ITPR1: variants seen among roughly 807,000 people sequenced by gnomAD.
ITPR1 encodes inositol 1,4,5-trisphosphate receptor type 1.
ITPR1 carries 96 observed loss-of-function variants against 318.4 expected under a neutral mutation model. That is an observed-to-expected ratio of 0.30 (90% CI 0.26 to 0.36). ITPR1 has a LOEUF of 0.36. Among genes scored for constraint, ITPR1 ranks in the 10% least tolerant of loss-of-function variants. The pLI, the probability that ITPR1 is intolerant of heterozygous loss-of-function variation, is 1.00. For missense variants in ITPR1, 2,440 were observed against 3,460.2 expected (o/e 0.71, Z 7.40); for synonymous variants, 1,312 against 1,289.9 (o/e 1.02, Z -0.37).
chr3:4,574,910 A>G (rs1391885709), intron 4 of ITPR1, among the ~76,000 whole-genome samples: 1 of 152,226 alleles, frequency 6.6e-6, no homozygotes, highest in Non-Finnish European at 1.5e-5. Flanking sequence ...CCAGAGGTCT[A>G]TCAATTGCAA....
rs1368540012 is a variant in ITPR1, at chr3:4,735,197, G to C, written c.5387G>C (p.Gly1796Ala). 2.5e-6 allele frequency: 4 copies of C among 1,614,006 alleles called. No homozygotes were observed. In the South Asian group the frequency reaches 4.4e-5, roughly 18 times the overall value. Reference protein sequence around the residue: ...GGSGSSSMSRGEMSLAEVQCH... With the variant: ...GGSGSSSMSRAEMSLAEVQCH... ...TCCGGATCCAGCTCTATGAGCAGGG[G>C]TGAGATGAGTCTGGCCGAGGTTCAG... is the stretch of plus-strand genomic sequence containing the variant. The change falls in exon 44 of 62, where the codon GGT becomes GCT. Residue 1796 changes from glycine to alanine, a missense_variant. Coordinates refer to ENST00000649015, the MANE Select transcript of ITPR1 (RefSeq NM_001378452.1).
chr3:4,616,289 C>T (rs2092386455), intron 4 of ITPR1, among the ~76,000 whole-genome samples: 1 of 152,088 alleles, frequency 6.6e-6, no homozygotes, highest in Non-Finnish European at 1.5e-5. Flanking sequence ...GCAAATAAGC[C>T]CTGACCTCAT....
At chr3:4,681,607 G>C (rs1040843706) in intron 26 of ITPR1, among the ~76,000 whole-genome samples, 189 bp downstream of exon 26, 57 of 115,992 alleles carry the variant, frequency 4.9e-4, no homozygotes, top group Non-Finnish European at 8.2e-4. Context: ...GAGAGAGTGA[G>C]AGAGAGAGAG....
intron 4 of ITPR1, among the ~76,000 whole-genome samples, chr3:4,605,070 C>G (rs2091605506): frequency 2.0e-5 from 3 of 152,084 alleles, no homozygotes; most frequent in Admixed American, 1.3e-4. Flanking sequence ...CTCCCAGGCT[C>G]AAGCAATTCT....
chr3:4,784,181 A>G (rs1222421568), intron 51 of ITPR1, among the ~76,000 whole-genome samples: 1 of 152,180 alleles, frequency 6.6e-6, no homozygotes, highest in African/African-American at 2.4e-5. Context: ...CATCATAAGA[A>G]AGTCCAGCAG....
intron 4 of ITPR1, among the ~76,000 whole-genome samples, chr3:4,537,529 T>G (rs1275721320): frequency 6.6e-6 from 1 of 152,238 alleles, no homozygotes; most frequent in Non-Finnish European, 1.5e-5. Flanking sequence ...GGTATAGGGA[T>G]TTCACAGATG....
intron 4 of ITPR1, among the ~76,000 whole-genome samples, chr3:4,547,998 A>G (rs1413587349): frequency 2.0e-5 from 3 of 152,060 alleles, no homozygotes; most frequent in African/African-American, 7.2e-5. Context: ...AAGCCATTCT[A>G]CTTCTTATTT....
intron 61 of ITPR1, among the ~76,000 whole-genome samples, chr3:4,843,652 T>A (rs1346075423): frequency 2.0e-5 from 3 of 152,206 alleles, no homozygotes; most frequent in Non-Finnish European, 2.9e-5. Flanking sequence ...TAGTTGGTAC[T>A]TAAAATTATC....
At chr3:4,707,178 G>A (rs12330193) in intron 37 of ITPR1, among the ~76,000 whole-genome samples, 41,466 of 152,210 alleles carry the variant, frequency 0.27, 6,807 homozygotes, top group Non-Finnish European at 0.38. Context: ...TAAGAGAGTT[G>A]ATAATATGTC....
intron 60 of ITPR1, among the ~76,000 whole-genome samples, chr3:4,835,586 G>C (rs1323274715): frequency 6.6e-6 from 1 of 152,050 alleles, no homozygotes; most frequent in Non-Finnish European, 1.5e-5. Flanking sequence ...GTGTGGGAGG[G>C]GGCTTGATTT....
chr3:4,589,303 G>T (rs6442889), intron 4 of ITPR1, among the ~76,000 whole-genome samples: 28 of 151,942 alleles, frequency 1.8e-4, no homozygotes, highest in African/African-American at 6.0e-4. Context: ...CTCTTATTTC[G>T]TGAAAAAACA....
At chr3:4,746,681 T>TGAAAG (rs2044132348) in intron 44 of ITPR1, among the ~76,000 whole-genome samples, 1 of 152,214 alleles carries the variant, frequency 6.6e-6, no homozygotes, top group African/African-American at 2.4e-5. Context: ...ACGTGCTGGA[T>TGAAAG]GAAAGGTCCT....
chr3:4,665,357 T>G (rs931186866), intron 17 of ITPR1, 61 bp downstream of exon 17: 2 of 1,497,422 alleles, frequency 1.3e-6, no homozygotes, highest in African/African-American at 2.8e-5. Flanking sequence ...TTGTGAACTT[T>G]CCTCCTGAGT....
At chr3:4,596,545 G>A (rs572903746) in intron 4 of ITPR1, among the ~76,000 whole-genome samples, 1 of 152,182 alleles carries the variant, frequency 6.6e-6, no homozygotes, top group African/African-American at 2.4e-5. Flanking sequence ...TCACAGATGG[G>A]TTTTTAGTTA....
intron 60 of ITPR1, among the ~76,000 whole-genome samples, chr3:4,829,968 T>TG (rs1481072211): frequency 9.6e-6 from 1 of 104,296 alleles, no homozygotes; most frequent in African/African-American, 3.1e-5. Context: ...TTTTTTTTTT[T>TG]TTTTTTTTTT....
intron 4 of ITPR1, among the ~76,000 whole-genome samples, chr3:4,556,065 A>T (rs966229117): frequency 1.3e-5 from 2 of 152,254 alleles, no homozygotes; most frequent in Non-Finnish European, 2.9e-5. Flanking sequence ...GATGGGTAGC[A>T]TAGAAATAGA....
At position 4,710,272 on chromosome 3, in the gene ITPR1, C is replaced by T; in HGVS notation, c.4843-53C>T. ...GGGCAGAAATCAATGTCCTCACCCT[C>T]CTGTGGTCAGCGTCTGCCTGAGCCG... On this transcript the variant is annotated intron_variant, in intron 37 of 61. Coordinates refer to ENST00000649015, the MANE Select transcript of ITPR1 (RefSeq NM_001378452.1). This position sits in a 1 kb window ranked among gnomAD's most constrained non-coding sequence, Gnocchi z 4.2. 4 of 1,465,026 alleles carry T rather than the reference C, an allele frequency of 2.7e-6. No individual in the cohort carries two copies. Among genetic ancestry groups the T allele is most frequent in the East Asian group, 2.5e-5 (1 of 39,998 alleles). The allele number at this position is 1,465,026 out of a possible 1,614,324, so 90.8% of individuals were successfully genotyped here.
intron 23 of ITPR1, 86 bp from the exon 24 acceptor site, chr3:4,676,528 C>G (rs1013084067): frequency 2.3e-5 from 22 of 940,176 alleles, no homozygotes; most frequent in East Asian, 1.0e-4. Flanking sequence ...TAAATAATTT[C>G]TCTCAAAGAG....
At chr3:4,708,003 G>A (rs2094794935) in intron 37 of ITPR1, among the ~76,000 whole-genome samples, 1 of 152,168 alleles carries the variant, frequency 6.6e-6, no homozygotes, top group Non-Finnish European at 1.5e-5. Flanking sequence ...TGGTGAGAGG[G>A]ACAAGTGAGA....
Sources: gnomAD v4.1 joint callset for allele counts (sites outside exome capture counted in the v4.1 genomes callset) on GRCh38, gnomAD v4.1.1 for gene constraint, Gnocchi (gnomAD v3.1) non-coding constraint, MANE v1.5 for transcripts, NCBI Gene and HGNC (gene_info 2026-07-23, HGNC 2026-07-21) for gene names.